The following FILIP1L variants were observed in gnomAD, a reference collection of about 807,000 sequenced individuals.
FILIP1L encodes filamin A interacting protein 1 like.
In FILIP1L, 55 loss-of-function variants were observed where a neutral mutation model predicts 96.6. That is an observed-to-expected ratio of 0.57 (90% CI 0.46 to 0.71). The LOEUF is 0.71. Ranked by LOEUF, FILIP1L falls within the 30% of genes least tolerant of loss-of-function variation. The probability of loss-of-function intolerance (pLI) is 0.00; values close to 1 mark genes in which losing one functional copy is unlikely to be tolerated. For synonymous variants in FILIP1L, 467 were observed against 473.9 expected (o/e 0.99, Z 0.19); for missense variants, 1,304 against 1,321.2 (o/e 0.99, Z 0.20).
At chr3:99,926,386 C>T (rs1279870429) in intron 3 of FILIP1L, among the ~76,000 whole-genome samples, 1 of 152,212 alleles carries the variant, frequency 6.6e-6, no homozygotes, top group African/African-American at 2.4e-5. Flanking sequence ...GAGGCATCTT[C>T]TGAGGAGGCT....
chr3:99,876,090 G>C lies in FILIP1L; in HGVS notation c.606-25020C>G, dbSNP rs1371540591. ...GGCTTACCTGAACTGCCTGCGCCGG[G>C]GCCGGGCGGGGGCCGGGCCGGGGCC... On this transcript the variant is annotated intron_variant, in intron 4 of 5. Transcript: ENST00000477258. 3.0e-6 allele frequency: 3 copies of C among 986,384 alleles called. No homozygotes were observed. In the South Asian group the frequency reaches 1.4e-4, roughly 46 times the overall value. The allele number at this position is 986,384 out of a possible 1,614,324, so 61.1% of individuals were successfully genotyped here.
chr3:99,923,731 T>C (rs1483812187), intron 4 of FILIP1L, among the ~76,000 whole-genome samples: 1 of 152,220 alleles, frequency 6.6e-6, no homozygotes, highest in Non-Finnish European at 1.5e-5. Flanking sequence ...GATCATCTTA[T>C]TTTCCCTTTC....
In FILIP1L at chr3:100,062,134, C is replaced by T. The variant is rs1244285930; in HGVS notation, c.-11+51919G>A. 8.5e-5 allele frequency among the ~76,000 whole-genome samples: 6 copies of T among 70,900 alleles called. 1 individual carries two copies. The highest frequency in any genetic ancestry group is 3.8e-4 in the Admixed American group (2 of 5,258). 46.5% of individuals were successfully genotyped at this position (70,900 alleles called of 152,430 possible). ...TTTTTTTTTTTTTTTTTTTTTGAGACGGAGTGTTGCTCTGTCCCCCAGGCT... is the reference window on the plus strand; with the variant it reads ...TTTTTTTTTTTTTTTTTTTTTGAGATGGAGTGTTGCTCTGTCCCCCAGGCT... On this transcript the variant is annotated intron_variant, in intron 1 of 5. Transcript: ENST00000477258.
chr3:99,920,652 G>A (rs1707096600), intron 4 of FILIP1L, among the ~76,000 whole-genome samples: 1 of 152,198 alleles, frequency 6.6e-6, no homozygotes. Flanking sequence ...TTCCTGAGCT[G>A]ATCCCTGCCC....
chr3:100,014,874 C>CTTTTT (rs200759774), intron 1 of FILIP1L, among the ~76,000 whole-genome samples: 98 of 28,158 alleles, frequency 3.5e-3, no homozygotes, highest in African/African-American at 3.7e-3. Flanking sequence ...TTTTTCTTTT[C>CTTTTT]TTTTTTTTTT....
At chr3:100,031,120 A>G (rs1333567869) in intron 1 of FILIP1L, among the ~76,000 whole-genome samples, 1 of 152,112 alleles carries the variant, frequency 6.6e-6, no homozygotes, top group Non-Finnish European at 1.5e-5. Context: ...AATTTAGAAC[A>G]TATTTTCCTA....
intron 1 of FILIP1L, among the ~76,000 whole-genome samples, chr3:100,104,762 A>C (rs2066366543): frequency 6.6e-6 from 1 of 152,176 alleles, no homozygotes; most frequent in South Asian, 2.1e-4. Flanking sequence ...TCATCAAGAG[A>C]AACTCAGAAA....
intron 1 of FILIP1L, among the ~76,000 whole-genome samples, chr3:99,954,143 G>T (rs764940158): frequency 2.8e-4 from 42 of 152,246 alleles, no homozygotes; most frequent in Non-Finnish European, 5.7e-4. Flanking sequence ...TAACTGTGAG[G>T]TACAAATATT....
chr3:99,843,558 C>A (rs531094308), intron 5 of FILIP1L, among the ~76,000 whole-genome samples: 4 of 152,292 alleles, frequency 2.6e-5, no homozygotes, highest in Admixed American at 1.3e-4. Flanking sequence ...GTTAGAACCA[C>A]ATAAACCCAC....
At chr3:99,893,162 CTTTT>C (rs1200176411) in intron 4 of FILIP1L, among the ~76,000 whole-genome samples, 4 of 107,626 alleles carry the variant, frequency 3.7e-5, no homozygotes, top group African/African-American at 1.4e-4. Flanking sequence ...GGCATCTAGA[CTTTT>C]TTTTTTTTTT....
chr3:100,040,218 A>G (rs1000546537), intron 1 of FILIP1L: 2 of 152,214 alleles, frequency 1.3e-5, no homozygotes, highest in African/African-American at 4.8e-5. Context: ...CTTACCACTT[A>G]CAACATAAGA....
intron 1 of FILIP1L, among the ~76,000 whole-genome samples, chr3:100,080,699 A>G (rs1224947427): frequency 6.6e-6 from 1 of 152,236 alleles, no homozygotes; most frequent in Non-Finnish European, 1.5e-5. Context: ...TCACATGATT[A>G]GAATCGATGC....
In FILIP1L at chr3:99,929,951, T is replaced by C; in HGVS notation, c.331A>G (p.Thr111Ala). The C allele has an allele frequency of 6.2e-7, 1 of 1,614,060 alleles. No homozygotes were observed. Among genetic ancestry groups the C allele is most frequent in the Non-Finnish European group, 8.5e-7 (1 of 1,179,996 alleles). The change falls in exon 3 of 6, where the codon ACT becomes GCT. Residue 111 changes from threonine (T) to alanine (A), a missense_variant. Coordinates refer to ENST00000477258, the MANE Select transcript of FILIP1L (RefSeq NM_001387850.1). The stretch of plus-strand genomic sequence containing the variant: ...AGAGCCTCTAACACCTTTTTTGGAG[T>C]GACAAACCCATACTGAGCTTCCAGC... ...ALLEAQYGFV[T>A]PKKVLEALQR... is the part of the protein sequence containing the mutation.
chr3:99,927,621 G>T (rs1198464387), intron 3 of FILIP1L, among the ~76,000 whole-genome samples: 1 of 151,862 alleles, frequency 6.6e-6, no homozygotes, highest in South Asian at 2.1e-4. Context: ...TGCCTGCCTC[G>T]GCCTCCCAAA....
chr3:99,921,525 A>G (rs1038856289), intron 4 of FILIP1L, among the ~76,000 whole-genome samples: 4 of 152,194 alleles, frequency 2.6e-5, no homozygotes, highest in Non-Finnish European at 5.9e-5. Context: ...AAGGGAGTTG[A>G]GAATAGGTTT....
At chr3:99,887,208 G>A (rs1400425330) in intron 4 of FILIP1L, among the ~76,000 whole-genome samples, 4 of 151,770 alleles carry the variant, frequency 2.6e-5, no homozygotes, top group Non-Finnish European at 5.9e-5. Context: ...AGGAGGTCGC[G>A]GTTAGCCGAG....
chr3:99,897,777 A>T (rs1294408089), intron 4 of FILIP1L, among the ~76,000 whole-genome samples: 4 of 152,148 alleles, frequency 2.6e-5, no homozygotes, highest in African/African-American at 9.7e-5. Flanking sequence ...TCCAGGATGG[A>T]TGATGGTGAT....
chr3:99,963,015 G>A (rs1318214861), intron 1 of FILIP1L, among the ~76,000 whole-genome samples: 1 of 152,204 alleles, frequency 6.6e-6, no homozygotes, highest in Non-Finnish European at 1.5e-5. Flanking sequence ...GATTTTAGGA[G>A]CTAGCCTGGG....
chr3:99,880,435 T>G (rs1353487824), intron 4 of FILIP1L, among the ~76,000 whole-genome samples: 3 of 152,180 alleles, frequency 2.0e-5, no homozygotes, highest in Non-Finnish European at 4.4e-5. Flanking sequence ...TTTACTTTTA[T>G]CTGTAGCCTG....
Sources: allele counts gnomAD v4.1 joint callset (sites outside exome capture counted in the v4.1 genomes callset), GRCh38; gene constraint gnomAD v4.1.1; transcripts MANE v1.5; gene names NCBI Gene and HGNC (gene_info 2026-07-23, HGNC 2026-07-21).